The following HMGB1 variants were observed in gnomAD, a reference collection of about 807,000 sequenced individuals.
HMGB1 encodes the protein high mobility group box 1, also known as high mobility group protein B1.
For missense variants in HMGB1, 79 were observed against 253.5 expected (o/e 0.31, Z 4.67); for synonymous variants, 81 against 84.0 (o/e 0.96, Z 0.19).
At chr13:30,510,218 A>C (rs2137462855) in intron 1 of HMGB1, among the ~76,000 whole-genome samples, 1 of 152,284 alleles carries the variant, frequency 6.6e-6, no homozygotes, top group South Asian at 2.1e-4. Flanking sequence ...CTCAACAAGT[A>C]TTTGTTGTAT....
intron 1 of HMGB1, among the ~76,000 whole-genome samples, chr13:30,473,436 C>T (rs1886995275): frequency 6.6e-6 from 1 of 152,206 alleles, no homozygotes; most frequent in African/African-American, 2.4e-5. Context: ...AAAGTTCTTA[C>T]AGAAAGGTGA....
chr13:30,534,188 G>A (rs191920890), intron 1 of HMGB1, among the ~76,000 whole-genome samples: 129 of 152,268 alleles, frequency 8.5e-4, no homozygotes, highest in African/African-American at 2.9e-3. Context: ...CTAGGTTGGT[G>A]AACATGTGAA....
intron 1 of HMGB1, among the ~76,000 whole-genome samples, chr13:30,572,392 A>G (rs1870474760): frequency 1.3e-5 from 2 of 152,236 alleles, no homozygotes; most frequent in African/African-American, 4.8e-5. Context: ...TTTTGTTGAT[A>G]GAAGCTGGGT....
chr13:30,528,152 C>G (rs1888412896), intron 1 of HMGB1, among the ~76,000 whole-genome samples: 1 of 152,214 alleles, frequency 6.6e-6, no homozygotes, highest in Non-Finnish European at 1.5e-5. Flanking sequence ...CAACCCGTCT[C>G]CTGGGCTGTT....
rs532597430 is a variant in HMGB1, at chr13:30,571,864, T to C, written c.-15+44807A>G. Among the ~76,000 whole-genome samples the C allele has an allele frequency of 5.2e-4, 79 of 152,302 alleles. 1 individual carries two copies. Among genetic ancestry groups the C allele is most frequent in the Non-Finnish European group, 8.2e-4 (56 of 68,026 alleles). On this transcript the variant is annotated intron_variant, in intron 1 of 4. Coordinates refer to the HMGB1 transcript ENST00000405805. ...AATAATATTTACGTTCCTACACTTA[T>C]AATGAGTTTCGTATATATATTAAAA...
chr13:30,489,957 C>T (rs1340113674), intron 1 of HMGB1, among the ~76,000 whole-genome samples: 1 of 150,278 alleles, frequency 6.7e-6, no homozygotes, highest in Non-Finnish European at 1.5e-5. Context: ...AACTCCTGAC[C>T]CCAAGTGATC....
intron 1 of HMGB1, among the ~76,000 whole-genome samples, chr13:30,517,895 CAGG>C (rs1484784775): frequency 3.3e-5 from 5 of 152,222 alleles, no homozygotes; most frequent in Non-Finnish European, 7.3e-5. Flanking sequence ...GCAGAATTTA[CAGG>C]AGAACACTGG....
At chr13:30,537,549 T>TA (rs924246147) in intron 1 of HMGB1, among the ~76,000 whole-genome samples, 2 of 150,470 alleles carry the variant, frequency 1.3e-5, no homozygotes, top group Admixed American at 6.6e-5. Context: ...GTGTATTTTT[T>TA]AAAAAAAATG....
At chr13:30,576,775 C>T (rs902030358) in intron 1 of HMGB1, among the ~76,000 whole-genome samples, 8 of 151,908 alleles carry the variant, frequency 5.3e-5, no homozygotes, top group African/African-American at 1.9e-4. Context: ...ACAGGCTTGC[C>T]CCTCCTCTGC....
chr13:30,493,353 T>G (rs1887541123), intron 1 of HMGB1, among the ~76,000 whole-genome samples: 6 of 152,230 alleles, frequency 3.9e-5, no homozygotes, highest in Admixed American at 3.9e-4. Flanking sequence ...ATTATATGTT[T>G]TCATTTATAG....
chr13:30,477,571 GA>G (rs1887127205), intron 1 of HMGB1, among the ~76,000 whole-genome samples: 1 of 152,214 alleles, frequency 6.6e-6, no homozygotes, highest in Non-Finnish European at 1.5e-5. Context: ...TCTGAAGACA[GA>G]AAAGGGGACT....
At chr13:30,476,118 C>T (rs1016394189) in intron 1 of HMGB1, among the ~76,000 whole-genome samples, 29 of 109,478 alleles carry the variant, frequency 2.6e-4, no homozygotes, top group Admixed American at 3.9e-4. Flanking sequence ...GTGGCATGTA[C>T]TTTTTTTTTT....
intron 1 of HMGB1, among the ~76,000 whole-genome samples, chr13:30,477,777 G>A (rs1388248054): frequency 2.6e-5 from 4 of 152,170 alleles, no homozygotes; most frequent in Non-Finnish European, 5.9e-5. Context: ...TGGAAATGCA[G>A]AAGTCCCTCT....
intron 1 of HMGB1, among the ~76,000 whole-genome samples, chr13:30,608,123 G>A (rs1233428582): frequency 6.6e-6 from 1 of 152,032 alleles, no homozygotes; most frequent in African/African-American, 2.4e-5. Flanking sequence ...GAAAAGCCAG[G>A]TGTCATTTTG....
At chr13:30,514,175 G>A (rs1047558622) in intron 1 of HMGB1, among the ~76,000 whole-genome samples, 5 of 151,946 alleles carry the variant, frequency 3.3e-5, no homozygotes, top group East Asian at 1.9e-4. Context: ...GGGAGTAACC[G>A]TAGGATTTTT....
In HMGB1 at chr13:30,522,437, T is replaced by C. The variant is rs550460066; in HGVS notation, c.-14-58743A>G. 7.2e-5 allele frequency among the ~76,000 whole-genome samples: 11 copies of C among 152,084 alleles called. No homozygotes were observed. The South Asian group carries it at 2.3e-3, about 32-fold the overall frequency. The stretch of plus-strand genomic sequence containing the variant: ...GCTTCTAGTTTCTGAGACCATTGCC[T>C]TTTTACCCCTCCGGGCTGTTCCAAC... On this transcript the variant is annotated intron_variant, in intron 1 of 4. Coordinates refer to the HMGB1 transcript ENST00000405805.
intron 1 of HMGB1, among the ~76,000 whole-genome samples, chr13:30,511,970 A>C (rs1888001931): frequency 6.6e-6 from 1 of 152,108 alleles, no homozygotes; most frequent in Admixed American, 6.6e-5. Flanking sequence ...CCTACCCTTT[A>C]AGAGCTAAAG....
At chr13:30,576,480 T>C (rs776964121) in intron 1 of HMGB1, among the ~76,000 whole-genome samples, 1 of 152,116 alleles carries the variant, frequency 6.6e-6, no homozygotes, top group Non-Finnish European at 1.5e-5. Context: ...CACTCCCTGT[T>C]GCCTGGAATT....
chr13:30,464,670 C>T (rs1886613605), intron 1 of HMGB1: 11 of 980,844 alleles, frequency 1.1e-5, no homozygotes, highest in Non-Finnish European at 1.3e-5. Flanking sequence ...CCGCCGGGGC[C>T]GGCGCGCACG....
Sources: gnomAD v4.1 joint callset for allele counts (sites outside exome capture counted in the v4.1 genomes callset) on GRCh38, gnomAD v4.1.1 for gene constraint, MANE v1.5 for transcripts, NCBI Gene and HGNC (gene_info 2026-07-23, HGNC 2026-07-21) for gene names.